Variants in DYNLT2B observed in about 807,000 individuals in gnomAD.
The protein encoded by DYNLT2B is dynein light chain Tctex-type protein 2B.
A neutral mutation model predicts 19.5 loss-of-function variants in DYNLT2B; 14 were observed. The ratio of observed to expected loss-of-function variants is 0.72; its 90% CI spans 0.47 to 1.12. DYNLT2B has a LOEUF of 1.12. Ranked by LOEUF, DYNLT2B falls within the 50% of genes most tolerant of loss-of-function variation. DYNLT2B has a pLI of 0.00. For synonymous variants in DYNLT2B, 70 were observed against 59.7 expected (o/e 1.17, Z -0.79); for missense variants, 133 against 174.7 (o/e 0.76, Z 1.35).
chr3:196,317,809 G>C (rs1414098481), intron 1 of DYNLT2B, among the ~76,000 whole-genome samples: 2 of 152,060 alleles, frequency 1.3e-5, no homozygotes, highest in Non-Finnish European at 2.9e-5. Context: ...CCTAAGACGC[G>C]CCCGGCGCCC....
intron 3 of DYNLT2B, 95 bp from the exon 4 acceptor site, chr3:196,296,164 C>T: frequency 2.8e-6 from 3 of 1,059,568 alleles, no homozygotes; most frequent in African/African-American, 3.1e-5. Context: ...AATACATTCT[C>T]ATAGATCTGT....
At chr3:196,297,256 G>A (rs1726245590) in intron 3 of DYNLT2B, among the ~76,000 whole-genome samples, 1 of 151,852 alleles carries the variant, frequency 6.6e-6, no homozygotes, top group South Asian at 2.1e-4. Context: ...TGGGCATGGT[G>A]GCTCACACCT....
At chr3:196,296,152 T>G in intron 3 of DYNLT2B, 83 bp from the exon 4 acceptor site, 4 of 1,160,026 alleles carry the variant, frequency 3.4e-6, no homozygotes, top group Non-Finnish European at 5.2e-6. Context: ...ACAGTGTTCC[T>G]TAATACATTC....
At chr3:196,310,952 T>C (rs1293791128) in intron 2 of DYNLT2B, among the ~76,000 whole-genome samples, 5 of 151,922 alleles carry the variant, frequency 3.3e-5, no homozygotes, top group Non-Finnish European at 7.4e-5. Flanking sequence ...CCCAGGGTGG[T>C]CATGAACTCC....
In DYNLT2B at chr3:196,308,124, T is replaced by C. The variant is rs907141155; in HGVS notation, c.248-1112A>G. On this transcript the variant is annotated intron_variant, in intron 2 of 4. Transcript: ENST00000325318. ...AGAAAATAGAAAAATAAATTATAAATTGAGTATGCTTATAATTCAAGGAGT... is the reference window on the plus strand; with the variant it reads ...AGAAAATAGAAAAATAAATTATAAACTGAGTATGCTTATAATTCAAGGAGT... Among the ~76,000 whole-genome samples, 8 of 147,148 alleles carry C rather than the reference T, an allele frequency of 5.4e-5. 1 individual carries two copies. Among genetic ancestry groups the C allele is most frequent in the East Asian group, 2.0e-4 (1 of 5,122 alleles).
intron 1 of DYNLT2B, among the ~76,000 whole-genome samples, chr3:196,317,046 TGTGTGGTGTGTGTGTG>T: frequency 1.2e-5 from 1 of 84,778 alleles, no homozygotes. Context: ...GTGTGTGTGT[TGTGTGGTGTGTGTGTG>T]GTGTGTGTGT....
At chr3:196,300,630 G>T (rs949923787) in intron 3 of DYNLT2B, among the ~76,000 whole-genome samples, 18 of 150,424 alleles carry the variant, frequency 1.2e-4, no homozygotes, top group Admixed American at 4.7e-4. Flanking sequence ...TCAGGAGGCT[G>T]AGGCAGGAGA....
At chr3:196,302,160 A>G (rs937060542) in intron 3 of DYNLT2B, among the ~76,000 whole-genome samples, 6 of 152,210 alleles carry the variant, frequency 3.9e-5, no homozygotes, top group African/African-American at 1.4e-4. Flanking sequence ...AAAAATCAGA[A>G]AAAAGCATAA....
At chr3:196,305,017 G>T (rs1467048587) in intron 3 of DYNLT2B, among the ~76,000 whole-genome samples, 1 of 152,068 alleles carries the variant, frequency 6.6e-6, no homozygotes, top group Non-Finnish European at 1.5e-5. Flanking sequence ...CAAGTAGCTG[G>T]GACCACAGGC....
At chr3:196,305,875 T>C in intron 3 of DYNLT2B, 1 of 153,136 alleles carries the variant, frequency 6.5e-6, no homozygotes, top group African/African-American at 2.4e-5. Flanking sequence ...TGAAGTAAAT[T>C]TAAAGCCAGA....
chr3:196,310,268 A>ATTT (rs59708062), intron 2 of DYNLT2B, among the ~76,000 whole-genome samples: 1 of 142,216 alleles, frequency 7.0e-6, no homozygotes, highest in Admixed American at 7.0e-5. Context: ...CGCTCGGCTA[A>ATTT]TTTTTTTTTT....
rs780838641 is a variant in DYNLT2B at position 196,316,101 on chromosome 3, T to C, written c.244A>G (p.Lys82Glu). The change falls in exon 2 of 5, where the codon AAA (lysine) becomes GAA (glutamate). Residue 82 changes from lysine to glutamate, a missense_variant. Transcript: ENST00000325318. ...TTCCAGTTATCACCATGATTACCTT[T>C]TAATTTATCTTTAATGTTTTCTGAT... ...HLSENIKDKL[K>E]EMGFDRYKMV... 6.2e-7 allele frequency: 1 copy of C among 1,613,278 alleles called. No homozygotes were observed. Among genetic ancestry groups the C allele is most frequent in the Non-Finnish European group, 8.5e-7 (1 of 1,179,510 alleles).
intron 4 of DYNLT2B, among the ~76,000 whole-genome samples, chr3:196,293,284 A>G (rs1024353981): frequency 1.3e-5 from 2 of 152,194 alleles, no homozygotes; most frequent in African/African-American, 4.8e-5. Context: ...CTGACACATA[A>G]TAGGAGCTCA....
intron 3 of DYNLT2B, among the ~76,000 whole-genome samples, chr3:196,304,288 T>C (rs1050644872): frequency 1.3e-5 from 2 of 151,962 alleles, no homozygotes; most frequent in Non-Finnish European, 2.9e-5. Context: ...TGCACCACCA[T>C]GCCCGGCTAA....
intron 3 of DYNLT2B, among the ~76,000 whole-genome samples, chr3:196,306,262 A>AG (rs1553841259): frequency 6.7e-6 from 1 of 148,614 alleles, no homozygotes; most frequent in African/African-American, 2.5e-5. Flanking sequence ...AAAAAAAAAA[A>AG]AAAGAAAGAA....
intron 2 of DYNLT2B, among the ~76,000 whole-genome samples, chr3:196,309,143 C>T (rs1351225592): frequency 3.3e-5 from 5 of 152,236 alleles, no homozygotes; most frequent in African/African-American, 1.2e-4. Flanking sequence ...CTGCTGGGTG[C>T]CATGGCTCAC....
chr3:196,291,544 T>G (rs1726096039), intron 4 of DYNLT2B, among the ~76,000 whole-genome samples, 170 bp from the exon 5 acceptor site: 1 of 152,072 alleles, frequency 6.6e-6, no homozygotes, highest in African/African-American at 2.4e-5. Context: ...AGTGGTGTGA[T>G]CTCAGCTCAC....
chr3:196,301,429 GT>G (rs1430121776), intron 3 of DYNLT2B, among the ~76,000 whole-genome samples: 1 of 152,028 alleles, frequency 6.6e-6, no homozygotes, highest in African/African-American at 2.4e-5. Flanking sequence ...AATAACTACT[GT>G]GGCTGGGCGC....
At chr3:196,308,062 CAA>C (rs907567145) in intron 2 of DYNLT2B, among the ~76,000 whole-genome samples, 3 of 104,856 alleles carry the variant, frequency 2.9e-5, no homozygotes, top group African/African-American at 1.1e-4. Context: ...GCCTGGGTAA[CAA>C]GAGCAAAACT....
Sources: gnomAD v4.1 joint callset for allele counts (sites outside exome capture counted in the v4.1 genomes callset) on GRCh38, gnomAD v4.1.1 for gene constraint, MANE v1.5 for transcripts, NCBI Gene and HGNC (gene_info 2026-07-23, HGNC 2026-07-21) for gene names.